Variants in CYP19A1 observed in about 807,000 individuals in gnomAD.
CYP19A1 encodes the protein aromatase.
Under a neutral mutation model 44.4 loss-of-function variants are expected in CYP19A1, and 32 were observed. That is an observed-to-expected ratio of 0.72 (90% confidence interval 0.54 to 0.97). The LOEUF is 0.97. Among genes scored for constraint, CYP19A1 ranks in the 50% least tolerant of loss-of-function variants. The pLI is 0.00. For synonymous variants in CYP19A1, 212 were observed against 215.6 expected, an observed-to-expected ratio of 0.98 and a Z score of 0.14; for missense variants, 598 against 637.8, an observed-to-expected ratio of 0.94 and a Z score of 0.67.
At chr15:51,241,127 A>G (rs1221021904) in intron 2 of CYP19A1, among the ~76,000 whole-genome samples, 8 of 152,218 alleles carry the variant, frequency 5.3e-5, no homozygotes, top group Non-Finnish European at 1.2e-4. Flanking sequence ...GCCCTGGCCC[A>G]GAAATGGTGG....
intron 1 of CYP19A1, among the ~76,000 whole-genome samples, chr15:51,318,185 A>G (rs1336094005): frequency 1.3e-5 from 2 of 151,584 alleles, no homozygotes; most frequent in Non-Finnish European, 2.9e-5. Context: ...TATGTACATG[A>G]TCTAATTTAC....
At chr15:51,330,341 A>G (rs1351974975) in intron 1 of CYP19A1, among the ~76,000 whole-genome samples, 2 of 152,202 alleles carry the variant, frequency 1.3e-5, no homozygotes, top group African/African-American at 4.8e-5. Flanking sequence ...GGTGCAGGAC[A>G]GAAAGGAAGA....
intron 1 of CYP19A1, among the ~76,000 whole-genome samples, chr15:51,295,355 C>T (rs2035972190): frequency 1.3e-5 from 2 of 152,140 alleles, no homozygotes; most frequent in African/African-American, 2.4e-5. Flanking sequence ...TCTCAGTTTC[C>T]TTAGGATCCT....
At chr15:51,222,655 CATA>C (rs1479621075) in intron 4 of CYP19A1, 130 bp from the exon 5 acceptor site, 2 of 764,682 alleles carry the variant, frequency 2.6e-6, no homozygotes, top group Non-Finnish European at 4.6e-6. Flanking sequence ...TGGAAGTTTT[CATA>C]ATATTTTCGT....
intron 1 of CYP19A1, among the ~76,000 whole-genome samples, chr15:51,310,171 A>T (rs1285975517): frequency 2.0e-5 from 3 of 152,208 alleles, no homozygotes; most frequent in Non-Finnish European, 4.4e-5. Flanking sequence ...GAAGGCATGC[A>T]TTGCACACTA....
At chr15:51,324,333 A>G (rs1595786013) in intron 1 of CYP19A1, among the ~76,000 whole-genome samples, 1 of 152,278 alleles carries the variant, frequency 6.6e-6, no homozygotes, top group Non-Finnish European at 1.5e-5. Context: ...CATTAGCCTC[A>G]TATAATAACA....
At chr15:51,297,986 A>G (rs921802892) in intron 1 of CYP19A1, among the ~76,000 whole-genome samples, 7 of 152,098 alleles carry the variant, frequency 4.6e-5, no homozygotes, top group Non-Finnish European at 7.4e-5. Context: ...AGATGTAGGA[A>G]GGCTTCACAG....
intron 4 of CYP19A1, among the ~76,000 whole-genome samples, chr15:51,224,460 T>G (rs1373438994): frequency 6.6e-6 from 1 of 152,208 alleles, no homozygotes; most frequent in Non-Finnish European, 1.5e-5. Flanking sequence ...GTAGCACTTT[T>G]TGTAGAAACC....
intron 1 of CYP19A1, among the ~76,000 whole-genome samples, chr15:51,256,396 G>A (rs532585677): frequency 3.3e-4 from 51 of 152,262 alleles, no homozygotes; most frequent in African/African-American, 1.2e-3. Flanking sequence ...TGGTTATTCA[G>A]CCCACTGCTA....
chr15:51,213,327 A>C (rs980175141), intron 8 of CYP19A1, among the ~76,000 whole-genome samples: 1 of 152,160 alleles, frequency 6.6e-6, no homozygotes, highest in South Asian at 2.1e-4. Context: ...GGTCAAAGAG[A>C]CTTAGATTAT....
intron 1 of CYP19A1, among the ~76,000 whole-genome samples, chr15:51,321,427 C>T (rs533402320): frequency 9.2e-5 from 14 of 152,180 alleles, no homozygotes; most frequent in Non-Finnish European, 2.1e-4. Context: ...CAGTGGCCAC[C>T]TTCTCCAGGA....
intron 6 of CYP19A1, among the ~76,000 whole-genome samples, chr15:51,216,770 C>T (rs948537596): frequency 5.3e-5 from 8 of 151,960 alleles, no homozygotes; most frequent in Non-Finnish European, 1.0e-4. Flanking sequence ...AACACTTGGA[C>T]GGGGTGGGGT....
At chr15:51,308,674 C>G (rs564797086) in intron 1 of CYP19A1, among the ~76,000 whole-genome samples, 1 of 152,224 alleles carries the variant, frequency 6.6e-6, no homozygotes, top group African/African-American at 2.4e-5. Flanking sequence ...GTCTTAGAGG[C>G]CGGCGCAGTA....
intron 1 of CYP19A1, among the ~76,000 whole-genome samples, chr15:51,265,839 A>C (rs952702222): frequency 3.3e-5 from 5 of 151,898 alleles, no homozygotes; most frequent in Admixed American, 3.3e-4. Context: ...CCGTTCCCCC[A>C]CAGTTTATTA....
intron 1 of CYP19A1, chr15:51,316,266 G>A (rs1378440282): frequency 6.6e-6 from 1 of 152,180 alleles, no homozygotes; most frequent in East Asian, 1.9e-4. Context: ...GAGACAGGAG[G>A]ATTGCTTGAG....
chr15:51,312,188 G>A (rs945104999), intron 1 of CYP19A1: 6 of 152,170 alleles, frequency 3.9e-5, no homozygotes, highest in African/African-American at 1.4e-4. Context: ...CATTGGAAAG[G>A]ACAGGAAGCT....
chr15:51,267,595 G>A (rs1356068027), intron 1 of CYP19A1, among the ~76,000 whole-genome samples: 1 of 152,180 alleles, frequency 6.6e-6, no homozygotes, highest in African/African-American at 2.4e-5. Context: ...CCGGGTGGGG[G>A]CCCAGAACCT....
intron 1 of CYP19A1, among the ~76,000 whole-genome samples, chr15:51,293,285 A>G (rs533865656): frequency 6.6e-6 from 1 of 152,320 alleles, no homozygotes; most frequent in South Asian, 2.1e-4. Flanking sequence ...AAAGAGTTCA[A>G]TGCCTGGTAA....
chr15:51,210,471 C>G lies in CYP19A1; in HGVS notation c.*337G>C. On this transcript the variant is annotated 3_prime_UTR_variant, in exon 10 of 10. Transcript: ENST00000396402. ...CCCCTTGGGTTGAGGCAGTAGAGCT[C>G]TACTGGGGAACCAGACATACATTTT... 1.9e-6 allele frequency: 1 copy of G among 533,832 alleles called. No homozygotes were observed. Among genetic ancestry groups the G allele is most frequent in the Non-Finnish European group, 3.6e-6 (1 of 276,620 alleles). 33.1% of individuals were successfully genotyped at this position (533,832 alleles called of 1,614,324 possible). A position where few individuals can be genotyped will look rare whatever the true frequency, so the allele number is the denominator to read the frequency against.
Sources: allele counts gnomAD v4.1 joint callset (sites outside exome capture counted in the v4.1 genomes callset), GRCh38; gene constraint gnomAD v4.1.1; transcripts MANE v1.5; gene names NCBI Gene and HGNC (gene_info 2026-07-23, HGNC 2026-07-21).